Variants in IL1RAP observed in about 807,000 individuals in gnomAD.
The protein encoded by IL1RAP is interleukin 1 receptor accessory protein.
In IL1RAP, 35 loss-of-function variants were observed where a neutral mutation model predicts 60.7. That is an observed-to-expected ratio of 0.58 (90% confidence interval 0.44 to 0.76). The LOEUF (loss-of-function observed/expected upper bound fraction) is 0.76, where lower values mean the gene tolerates loss of function less well. Among genes scored for constraint, IL1RAP ranks in the 30% least tolerant of loss-of-function variants. The pLI is 0.00. For synonymous variants in IL1RAP, 268 were observed against 250.9 expected (o/e 1.07, Z -0.64); for missense variants, 572 against 693.9 (o/e 0.82, Z 1.97).
Position 190,649,149 on chromosome 3 carries a change from A to C in IL1RAP, c.*444A>C. 1 of 987,264 alleles carries C rather than the reference A, an allele frequency of 1.0e-6. No homozygotes were observed. The highest frequency in any genetic ancestry group is 1.2e-6 in the Non-Finnish European group (1 of 831,144). The allele number at this position is 987,264 out of a possible 1,614,324, so 61.2% of individuals were successfully genotyped here. On this transcript the variant is annotated 3_prime_UTR_variant, in exon 12 of 12. Coordinates refer to ENST00000447382, the MANE Select transcript of IL1RAP (RefSeq NM_002182.4). Reference sequence around the variant, plus strand: ...ATTTTTACTCGTCCGTTGAAAAGATAATCAAGGCCTACATTTTAGCTGAGG... The same window carrying C: ...ATTTTTACTCGTCCGTTGAAAAGATCATCAAGGCCTACATTTTAGCTGAGG...
chr3:190,554,867 G>T (rs1725267297), intron 1 of IL1RAP, among the ~76,000 whole-genome samples: 1 of 152,046 alleles, frequency 6.6e-6, no homozygotes, highest in Admixed American at 6.6e-5. Context: ...TAAAGTAGGG[G>T]CTTAATAAAT....
chr3:190,541,048 A>G (rs1229066464), intron 1 of IL1RAP, among the ~76,000 whole-genome samples: 4 of 152,086 alleles, frequency 2.6e-5, no homozygotes, highest in South Asian at 4.1e-4. Flanking sequence ...ACATATCTTT[A>G]TGACAGGAGG....
At chr3:190,568,825 C>T (rs1353772749) in intron 3 of IL1RAP, among the ~76,000 whole-genome samples, 1 of 152,172 alleles carries the variant, frequency 6.6e-6, no homozygotes, top group Non-Finnish European at 1.5e-5. Context: ...ACAATGTTAA[C>T]AATGATTTCA....
chr3:190,550,071 C>T (rs574956180), intron 1 of IL1RAP, among the ~76,000 whole-genome samples: 99 of 152,238 alleles, frequency 6.5e-4, no homozygotes, highest in African/African-American at 2.2e-3. Context: ...TGGCACGTGC[C>T]GCCCATGGTT....
chr3:190,528,613 TAAA>T (rs1722709625), intron 1 of IL1RAP, among the ~76,000 whole-genome samples: 1 of 152,078 alleles, frequency 6.6e-6, no homozygotes, highest in African/African-American at 2.4e-5. Context: ...TATAGAGAAT[TAAA>T]AAAGCAAATA....
intron 3 of IL1RAP, among the ~76,000 whole-genome samples, chr3:190,582,483 T>G (rs1254900211): frequency 6.6e-6 from 1 of 151,944 alleles, no homozygotes; most frequent in East Asian, 1.9e-4. Flanking sequence ...CCACCCAGGC[T>G]AATTTTGTAT....
At chr3:190,653,308 A>G (rs1734485323), downstream of IL1RAP, among the ~76,000 whole-genome samples, 1 of 152,224 alleles carries the variant, frequency 6.6e-6, no homozygotes, top group Admixed American at 6.5e-5. Context: ...ACTGTGTGCT[A>G]GAAATTCACA....
chr3:190,603,283 G>C (rs953574971), intron 3 of IL1RAP, among the ~76,000 whole-genome samples: 15 of 152,078 alleles, frequency 9.9e-5, no homozygotes, highest in African/African-American at 3.6e-4. Flanking sequence ...ATATAAAATG[G>C]GTATGCAGCT....
rs577206408 is a variant in IL1RAP, at chr3:190,546,544, T to A, written c.-88-9586T>A. On this transcript the variant is annotated intron_variant, in intron 1 of 11. Transcript: ENST00000447382. ...TAGCTTTGTAGAGTTAAAGAAATAA[T>A]AAGAGCAGATACACTTTTAGGTATT... Among the ~76,000 whole-genome samples, 5 of 152,322 alleles carry A rather than the reference T, an allele frequency of 3.3e-5. No homozygotes were observed. The South Asian group carries it at 1.0e-3, about 32-fold the overall frequency.
At chr3:190,582,204 A>T (rs949114502) in intron 3 of IL1RAP, among the ~76,000 whole-genome samples, 4 of 151,750 alleles carry the variant, frequency 2.6e-5, no homozygotes, top group African/African-American at 9.7e-5. Flanking sequence ...ATTTCTTTAC[A>T]TTTTTGATCA....
chr3:190,586,825 G>A (rs760792897), intron 3 of IL1RAP, among the ~76,000 whole-genome samples: 37 of 152,144 alleles, frequency 2.4e-4, no homozygotes, highest in Non-Finnish European at 3.5e-4. Context: ...GTCTCCACTG[G>A]AAACAGGACT....
chr3:190,576,372 T>TTA (rs1375682337), intron 3 of IL1RAP, among the ~76,000 whole-genome samples: 44 of 106,300 alleles, frequency 4.1e-4, no homozygotes, highest in African/African-American at 1.1e-3. Context: ...CAAGGAGCTA[T>TTA]TATATATATA....
At chr3:190,567,462 C>T (rs936802686) in intron 3 of IL1RAP, among the ~76,000 whole-genome samples, 1 of 152,172 alleles carries the variant, frequency 6.6e-6, no homozygotes, top group Non-Finnish European at 1.5e-5. Context: ...GTTGTAACTA[C>T]CTTTGTTGGG....
intron 3 of IL1RAP, among the ~76,000 whole-genome samples, chr3:190,578,523 C>CA (rs1208306757): frequency 6.6e-5 from 10 of 152,128 alleles, no homozygotes; most frequent in Admixed American, 3.3e-4. Context: ...GCATTATAAC[C>CA]ATGGCTTGTG....
chr3:190,609,079 A>G lies in IL1RAP; in HGVS notation c.435A>G (p.Pro145=), dbSNP rs147965324. The part of the protein sequence containing the change: ...DSCFNSPMKL[P]VHKLYIEYGI... ...GTTTCAATTCCCCCATGAAACTCCC[A>G]GTGCATAAACTGTATATAGAATATG... Residue 145 remains proline (P), a synonymous_variant, in exon 5 of 12, where the codon CCA becomes CCG. Coordinates refer to ENST00000447382, the MANE Select transcript of IL1RAP (RefSeq NM_002182.4). The G allele has an allele frequency of 3.6e-4, 575 of 1,613,368 alleles. No individual in the cohort carries two copies. Among genetic ancestry groups the G allele is most frequent in the Non-Finnish European group, 4.5e-4 (529 of 1,179,498 alleles).
Position 190,650,437 on chromosome 3 carries a change from C to T in IL1RAP, c.*1732C>T. 1 of 984,004 alleles carries T rather than the reference C, an allele frequency of 1.0e-6. No homozygotes were observed. Among genetic ancestry groups the T allele is most frequent in the Non-Finnish European group, 1.2e-6 (1 of 828,682 alleles). 61.0% of individuals were successfully genotyped at this position (984,004 alleles called of 1,614,324 possible). ...CATTTAGAAACTAAGCTATGTTAAC[C>T]TCAGTGCTCAACTATTTGAACTGTT... On this transcript the variant is annotated 3_prime_UTR_variant, in exon 12 of 12. Coordinates refer to ENST00000447382, the MANE Select transcript of IL1RAP (RefSeq NM_002182.4).
chr3:190,603,459 G>T (rs1730029854), intron 3 of IL1RAP, among the ~76,000 whole-genome samples: 1 of 152,094 alleles, frequency 6.6e-6, no homozygotes, highest in Admixed American at 6.6e-5. Context: ...GTCCAATAAA[G>T]TAGACAGTAG....
chr3:190,600,831 A>C (rs1368957074), intron 3 of IL1RAP, among the ~76,000 whole-genome samples: 1 of 152,020 alleles, frequency 6.6e-6, no homozygotes, highest in Non-Finnish European at 1.5e-5. Flanking sequence ...TGAACTACAG[A>C]TTGGTTTGTT....
At chr3:190,561,411 C>T (rs1725879118) in intron 2 of IL1RAP, among the ~76,000 whole-genome samples, 1 of 152,164 alleles carries the variant, frequency 6.6e-6, no homozygotes, top group South Asian at 2.1e-4. Flanking sequence ...GCAGGACTGG[C>T]CCTGGATGTG....
Sources: allele counts gnomAD v4.1 joint callset (sites outside exome capture counted in the v4.1 genomes callset), GRCh38; gene constraint gnomAD v4.1.1; transcripts MANE v1.5; gene names NCBI Gene and HGNC (gene_info 2026-07-23, HGNC 2026-07-21).